The following ECEL1 variants were observed in gnomAD, a reference collection of about 807,000 sequenced individuals.
The protein encoded by ECEL1 is endothelin converting enzyme like 1.
A neutral mutation model predicts 101.8 loss-of-function variants in ECEL1; 87 were observed. The observed-to-expected ratio is 0.85, with a 90% CI of 0.72 to 1.02. The LOEUF (loss-of-function observed/expected upper bound fraction) is 1.02, where lower values mean the gene tolerates loss of function less well. Among genes scored for constraint, ECEL1 ranks in the 50% least tolerant of loss-of-function variants. The pLI is 0.00. For synonymous variants in ECEL1, 487 were observed against 468.7 expected (o/e 1.04, Z -0.50); for missense variants, 1,032 against 1,079.2 (o/e 0.96, Z 0.61).
Position 232,480,023 on chromosome 2 carries a change from C to A in ECEL1, c.*130G>T, listed in dbSNP as rs1258683120. On this transcript the variant is annotated 3_prime_UTR_variant, in exon 18 of 18. Transcript: ENST00000304546. ...CTGAAGTGAGGGGCAGCAGGGGGAC[C>A]GGGTCCTGGAGGGGCTGGAAGGCAG... 2.4e-6 allele frequency: 2 copies of A among 839,236 alleles called. No homozygotes were observed. The highest frequency in any genetic ancestry group is 3.4e-5 in the South Asian group (2 of 59,184). The allele number at this position is 839,236 out of a possible 1,614,324, so 52.0% of individuals were successfully genotyped here.
At chr2:232,482,816 C>T (rs957732664) in intron 10 of ECEL1, 35 bp downstream of exon 10, 2 of 1,611,026 alleles carry the variant, frequency 1.2e-6, no homozygotes, top group South Asian at 1.1e-5. Flanking sequence ...CCCCACAACC[C>T]TTCCCTGACC....
At chr2:232,483,337 C>T (rs1475355358) in intron 8 of ECEL1, 79 bp downstream of exon 8, 4 of 1,556,730 alleles carry the variant, frequency 2.6e-6, no homozygotes, top group Non-Finnish European at 3.5e-6. Flanking sequence ...CCTCTTTGTC[C>T]CTTTTGTTCT....
Position 232,484,868 on chromosome 2 carries a change from A to T in ECEL1, c.992T>A (p.Leu331Gln). 1 of 1,613,890 alleles carries T rather than the reference A, an allele frequency of 6.2e-7. No individual in the cohort carries two copies. The highest frequency in any genetic ancestry group is 8.5e-7 in the Non-Finnish European group (1 of 1,179,972). The part of the protein sequence containing the change: ...ANITVSEHDD[L>Q]RRDVSSMYNK... ...GTACATGGAGCTGACATCTCGCCGTAGGTCGTCATGCTCTGACACAGTGAT... is the reference window on the plus strand; with the variant it reads ...GTACATGGAGCTGACATCTCGCCGTTGGTCGTCATGCTCTGACACAGTGAT... The change falls in exon 5 of 18, where the codon CTA becomes CAA. Residue 331 changes from leucine to glutamine, a missense_variant. Transcript: ENST00000304546.
intron 14 of ECEL1, 119 bp downstream of exon 14, chr2:232,481,386 GT>G: frequency 6.7e-7 from 1 of 1,485,462 alleles, no homozygotes; most frequent in Non-Finnish European, 9.1e-7. Flanking sequence ...CCGAATGTGT[GT>G]GCAGGGACCT....
rs1267395675 is a variant in ECEL1 at position 232,483,442 on chromosome 2, C to T, written c.1480G>A (p.Glu494Lys). The T allele has an allele frequency of 9.9e-6, 16 of 1,611,598 alleles. No homozygotes were observed. Among genetic ancestry groups the T allele is most frequent in the South Asian group, 4.4e-5 (4 of 90,806 alleles). The change falls in exon 8 of 18, where the codon GAG becomes AAG. Residue 494 changes from glutamate (E) to lysine (K), a missense_variant. Physicochemically the swap from Glu to Lys is moderately conservative, Grantham distance 56. Coordinates refer to ENST00000304546, the MANE Select transcript of ECEL1 (RefSeq NM_004826.4). The part of the protein sequence containing the change: ...RLEELDWMDA[E>K]TRAAARAKLQ... ...TTGGCCCGAGCAGCAGCCCTGGTCTCGGCGTCCATCCAGTCCAGCTCCTCC... is the reference window on the plus strand; with the variant it reads ...TTGGCCCGAGCAGCAGCCCTGGTCTTGGCGTCCATCCAGTCCAGCTCCTCC...
Position 232,485,015 on chromosome 2 carries a change from T to C in ECEL1, c.932A>G (p.Gln311Arg). 6.2e-7 allele frequency: 1 copy of C among 1,613,136 alleles called. No homozygotes were observed. Among genetic ancestry groups the C allele is most frequent in the East Asian group, 2.2e-5 (1 of 44,876 alleles). ...CTGCTGCTCCACTTGCAGGATCTCT[T>C]GGGCCTTCTGTTCCACAGCGTCTGC... ...LGADAVEQKA[Q>R]EILQVEQQLA... Residue 311 changes from glutamine (Q) to arginine (R), a missense_variant, in exon 4 of 18, where the codon CAA becomes CGA. By Grantham distance (43) the Gln-to-Arg change is conservative. Transcript: ENST00000304546.
intron 13 of ECEL1, 52 bp from the exon 14 acceptor site, chr2:232,481,682 T>G: frequency 1.0e-6 from 1 of 954,314 alleles, no homozygotes; most frequent in Non-Finnish European, 1.5e-6. Context: ...CCCCCTCCCC[T>G]CCCCACCCAC....
chr2:232,486,027 C>A lies in ECEL1; in HGVS notation c.627G>T (p.Gly209=), dbSNP rs749296362. 9 of 1,608,994 alleles carry A rather than the reference C, an allele frequency of 5.6e-6. No individual in the cohort carries two copies. The Admixed American group carries it at 1.3e-4, about 24-fold the overall frequency. ...RPMLEVIEDC[G]GWDLGGAEER... is the part of the protein sequence containing the mutation. The stretch of plus-strand genomic sequence containing the variant: ...CCTCCGCGCCGCCCAGGTCCCAGCC[C>A]CCGCAGTCCTCGATGACCTCTAGCA... The change falls in exon 2 of 18, where the codon GGG becomes GGT. Residue 209 remains glycine (G), a synonymous_variant. Coordinates refer to ENST00000304546, the MANE Select transcript of ECEL1 (RefSeq NM_004826.4).
In ECEL1 at chr2:232,486,310, T is replaced by C. The variant is rs754659844; in HGVS notation, c.344A>G (p.Asn115Ser). 5.0e-6 allele frequency: 8 copies of C among 1,586,026 alleles called. No individual in the cohort carries two copies. The South Asian group carries it at 6.8e-5, about 13-fold the overall frequency. ...FARAARFLAA[N>S]LDASIDPCQD... ...GCATGGGTCGATGCTGGCGTCCAGG[T>C]TGGCGGCCAGGAAGCGAGCGGCGCG... The change falls in exon 2 of 18, where the codon AAC becomes AGC. Residue 115 changes from asparagine (N) to serine (S), a missense_variant. Asn to Ser is a conservative substitution (Grantham distance 46, BLOSUM62 1). Transcript: ENST00000304546.
intron 10 of ECEL1, 118 bp downstream of exon 10, chr2:232,482,733 C>A: frequency 6.7e-7 from 1 of 1,502,650 alleles, no homozygotes; most frequent in Non-Finnish European, 9.2e-7. Flanking sequence ...CCACCCCATG[C>A]CCTGTGCTGG....
Position 232,484,196 on chromosome 2 carries a change from G to A in ECEL1, c.1212C>T (p.Arg404=), listed in dbSNP as rs764036925. Residue 404 remains arginine, a synonymous_variant, in exon 7 of 18, where the codon CGC becomes CGT. Coordinates refer to ENST00000304546, the MANE Select transcript of ECEL1 (RefSeq NM_004826.4). ...GGTGTTCACTCAGGACCACCACCAC[G>A]CGCCACACCAGGTAGTTGTGCAGGA... ...HRVLHNYLVW[R]VVVVLSEHLS... The A allele has an allele frequency of 8.7e-6, 14 of 1,612,566 alleles. No individual in the cohort carries two copies. The highest frequency in any genetic ancestry group is 6.7e-5 in the East Asian group (3 of 44,884).
At chr2:232,482,764 G>T in intron 10 of ECEL1, 87 bp downstream of exon 10, 2 of 1,548,514 alleles carry the variant, frequency 1.3e-6, no homozygotes, top group Non-Finnish European at 8.9e-7. Context: ...CCCCATATCT[G>T]CATGGCTGTG....
chr2:232,483,038 C>T, intron 9 of ECEL1, 67 bp downstream of exon 9: 1 of 1,611,890 alleles, frequency 6.2e-7, no homozygotes, highest in Non-Finnish European at 8.5e-7. Flanking sequence ...GTGCAGGCCA[C>T]CTGCCCTCCT....
rs570472959 is a variant in ECEL1, at chr2:232,486,748, G to GC, written c.-96dup. ...TCGTGGGCCTCCGCATGGCCCTGGG[G>GC]CCGCAGCTGCGGGAAGGGCGGAAGC... On this transcript the variant is annotated 5_prime_UTR_variant, in exon 2 of 18. Transcript: ENST00000304546. 3,742 of 1,250,272 alleles carry GC rather than the reference G, an allele frequency of 3.0e-3. 15 individuals are homozygous for GC. The highest frequency in any genetic ancestry group is 1.0e-2 in the Middle Eastern group (32 of 3,210). The allele number at this position is 1,250,272 out of a possible 1,614,324, so 77.4% of individuals were successfully genotyped here. A position where few individuals can be genotyped will look rare whatever the true frequency, so the allele number is the denominator to read the frequency against.
In ECEL1 at chr2:232,484,014, G is replaced by C. The variant is rs1371553579; in HGVS notation, c.1394C>G (p.Ala465Gly). The C allele has an allele frequency of 6.2e-7, 1 of 1,602,976 alleles. No individual in the cohort carries two copies. Among genetic ancestry groups the C allele is most frequent in the East Asian group, 2.2e-5 (1 of 44,534 alleles). Residue 465 changes from alanine (A) to glycine (G), a missense_variant, in exon 7 of 18, where the codon GCC becomes GGC. Coordinates refer to ENST00000304546, the MANE Select transcript of ECEL1 (RefSeq NM_004826.4). ...ALFVHEHFSA[A>G]SKAKVQQLVE... Reference sequence around the variant, plus strand: ...AGGGCAACCCACCTTGGCTTTGCTGGCAGCTGAGAAGTGCTCATGTACAAA... The same window carrying C: ...AGGGCAACCCACCTTGGCTTTGCTGCCAGCTGAGAAGTGCTCATGTACAAA...
rs568689441 is a variant in ECEL1 at position 232,483,183 on chromosome 2, C to T, written c.1507-4G>A. 1.6e-5 allele frequency: 25 copies of T among 1,599,244 alleles called. No individual in the cohort carries two copies. The highest frequency in any genetic ancestry group is 2.3e-5 in the East Asian group (1 of 44,280). The stretch of plus-strand genomic sequence containing the variant: ...CCATCACCATCATGTACTGGAGCTG[C>T]GGGCCGAGGGCAGGTGAAGGTGGCA... On this transcript the variant is annotated splice_region_variant and splice_polypyrimidine_tract_variant and intron_variant, in intron 8 of 17. Coordinates refer to ENST00000304546, the MANE Select transcript of ECEL1 (RefSeq NM_004826.4).
Position 232,486,614 on chromosome 2 carries a change from A to G in ECEL1, c.40T>C (p.Phe14Leu). The G allele has an allele frequency of 6.6e-7, 1 of 1,523,932 alleles. No homozygotes were observed. Among genetic ancestry groups the G allele is most frequent in the South Asian group, 1.2e-5 (1 of 82,996 alleles). The allele number at this position is 1,523,932 out of a possible 1,614,324, so 94.4% of individuals were successfully genotyped here. A position where few individuals can be genotyped will look rare whatever the true frequency, so the allele number is the denominator to read the frequency against. ...PYSLTAHYDE[F>L]QEVKYVSRCG... ...CGGCTCACGTACTTGACCTCTTGGA[A>G]CTCATCGTAGTGCGCCGTCAGCGAA... The change falls in exon 2 of 18, where the codon TTC becomes CTC. Residue 14 changes from phenylalanine to leucine, a missense_variant. Physicochemically the swap from Phe to Leu is conservative, Grantham distance 22. Coordinates refer to ENST00000304546, the MANE Select transcript of ECEL1 (RefSeq NM_004826.4).
In ECEL1 at chr2:232,486,463, G is replaced by A. The variant is rs1690732197; in HGVS notation, c.191C>T (p.Ser64Leu). 1.7e-5 allele frequency: 25 copies of A among 1,446,908 alleles called. No homozygotes were observed. Among genetic ancestry groups the A allele is most frequent in the Non-Finnish European group, 2.2e-5 (24 of 1,110,794 alleles). The allele number at this position is 1,446,908 out of a possible 1,614,324, so 89.6% of individuals were successfully genotyped here. Residue 64 changes from serine (S) to leucine (L), a missense_variant, in exon 2 of 18, where the codon TCG becomes TTG. Transcript: ENST00000304546. ...RWNRREVCLL[S>L]GLVFAAGLCA... ...GAGGCCGGCGGCGAACACCAGCCCC[G>A]ACAGCAGGCACACCTCGCGCCGGTT...
chr2:232,486,016 A>G lies in ECEL1; in HGVS notation c.638T>C (p.Leu213Pro). ...EVIEDCGGWD[L>P]GGAEERPGVA... The stretch of plus-strand genomic sequence containing the variant: ...CCCCGGACGCTCCTCCGCGCCGCCC[A>G]GGTCCCAGCCCCCGCAGTCCTCGAT... Residue 213 changes from leucine to proline, a missense_variant, in exon 2 of 18, where the codon CTG (leucine) becomes CCG (proline). Transcript: ENST00000304546. 6.2e-7 allele frequency: 1 copy of G among 1,608,316 alleles called. No homozygotes were observed. Among genetic ancestry groups the G allele is most frequent in the Non-Finnish European group, 8.5e-7 (1 of 1,178,484 alleles).
Sources: gnomAD v4.1 joint callset for allele counts on GRCh38, gnomAD v4.1.1 for gene constraint, MANE v1.5 for transcripts, NCBI Gene and HGNC (gene_info 2026-07-23, HGNC 2026-07-21) for gene names.